Variants in CCNC observed in about 807,000 individuals in gnomAD.
CCNC encodes cyclin C.
In CCNC, 19 loss-of-function variants were observed where a neutral mutation model predicts 50.0. The observed-to-expected ratio is 0.38, with a 90% CI of 0.27 to 0.56. The LOEUF (loss-of-function observed/expected upper bound fraction) is 0.56, where lower values mean the gene tolerates loss of function less well. Ranked by LOEUF, CCNC falls within the 20% of genes least tolerant of loss-of-function variation. The pLI is 0.72. For synonymous variants in CCNC, 93 were observed against 103.7 expected (o/e 0.90, Z 0.63); for missense variants, 200 against 327.1 (o/e 0.61, Z 3.00).
intron 9 of CCNC, among the ~76,000 whole-genome samples, chr6:99,549,077 G>T (rs1338193643): frequency 6.6e-6 from 1 of 151,802 alleles, no homozygotes; most frequent in Non-Finnish European, 1.5e-5. Flanking sequence ...ACTGTAGAAT[G>T]AATGTACTTA....
At chr6:99,544,750 A>C (rs972525282) in intron 11 of CCNC, among the ~76,000 whole-genome samples, 6 of 151,438 alleles carry the variant, frequency 4.0e-5, no homozygotes, top group Non-Finnish European at 8.9e-5. Context: ...GCAGTGAAAA[A>C]AAAAAAAAAA....
intron 5 of CCNC, among the ~76,000 whole-genome samples, chr6:99,555,036 C>T (rs1459765357): frequency 2.6e-5 from 4 of 152,200 alleles, no homozygotes; most frequent in African/African-American, 7.2e-5. Context: ...ATGAGAAACC[C>T]GGCTCTCAAA....
chr6:99,567,622 C>G (rs1345684427), intron 1 of CCNC, among the ~76,000 whole-genome samples: 2 of 152,160 alleles, frequency 1.3e-5, no homozygotes, highest in African/African-American at 4.8e-5. Flanking sequence ...ATTTAAATTA[C>G]TTACTAATGC....
At chr6:99,549,634 T>C in intron 8 of CCNC, 59 bp from the exon 9 acceptor site, 1 of 1,111,554 alleles carries the variant, frequency 9.0e-7, no homozygotes, top group Non-Finnish European at 1.4e-6. Flanking sequence ...TGATTGTATA[T>C]TTCCTCCAGA....
chr6:99,545,911 T>G (rs1802049695), intron 10 of CCNC, among the ~76,000 whole-genome samples: 1 of 152,180 alleles, frequency 6.6e-6, no homozygotes, highest in South Asian at 2.1e-4. Flanking sequence ...TACCATTCTG[T>G]TTAATCCTAA....
chr6:99,549,434 G>A, intron 9 of CCNC, 74 bp downstream of exon 9: 1 of 966,058 alleles, frequency 1.0e-6, no homozygotes, highest in Middle Eastern at 2.1e-4. Context: ...GTACAATAGG[G>A]TGAAATTTAG....
At chr6:99,545,283 T>A (rs1319232807) in intron 10 of CCNC, 53 bp from the exon 11 acceptor site, 7 of 883,994 alleles carry the variant, frequency 7.9e-6, no homozygotes, top group Admixed American at 7.0e-5. Flanking sequence ...CAACATTTTT[T>A]ATATAAAGAG....
At chr6:99,556,469 TTC>T (rs777326961) in intron 5 of CCNC, among the ~76,000 whole-genome samples, 11 of 152,222 alleles carry the variant, frequency 7.2e-5, no homozygotes, top group Non-Finnish European at 1.0e-4. Flanking sequence ...TCTTACATAA[TTC>T]TGTCAGATTT....
intron 1 of CCNC, chr6:99,567,154 A>G (rs1769163367): frequency 5.2e-6 from 1 of 191,728 alleles, no homozygotes; most frequent in Non-Finnish European, 1.1e-5. Flanking sequence ...TGAAAGCATA[A>G]TGAGAACACT....
chr6:99,560,927 T>G (rs1802753367), intron 4 of CCNC, among the ~76,000 whole-genome samples: 1 of 152,196 alleles, frequency 6.6e-6, no homozygotes, highest in Non-Finnish European at 1.5e-5. Flanking sequence ...CAGGTTATGG[T>G]AGGCAAGCTG....
intron 4 of CCNC, among the ~76,000 whole-genome samples, chr6:99,560,447 G>A (rs926246035): frequency 6.6e-6 from 1 of 152,090 alleles, no homozygotes; most frequent in Non-Finnish European, 1.5e-5. Context: ...CTTAAATCAT[G>A]GCTAAAACAA....
chr6:99,562,043 A>C (rs1349616842), intron 2 of CCNC: 1 of 154,950 alleles, frequency 6.5e-6, no homozygotes, highest in African/African-American at 2.4e-5. Flanking sequence ...GACACCTATG[A>C]AACTTGTTAA....
At chr6:99,550,335 T>G (rs1262549820) in intron 7 of CCNC, 26 bp from the exon 8 acceptor site, 1 of 1,508,916 alleles carries the variant, frequency 6.6e-7, no homozygotes, top group Non-Finnish European at 9.1e-7. Flanking sequence ...AAAATGTGTA[T>G]GTATAAAAAA....
At chr6:99,559,003 G>T (rs941373912) in intron 4 of CCNC, among the ~76,000 whole-genome samples, 75 of 151,950 alleles carry the variant, frequency 4.9e-4, no homozygotes, top group Admixed American at 3.8e-3. Context: ...AAGCCTTAAG[G>T]TTACAGTGTC....
At chr6:99,560,727 A>G (rs1008784790) in intron 4 of CCNC, among the ~76,000 whole-genome samples, 1 of 152,212 alleles carries the variant, frequency 6.6e-6, no homozygotes, top group Non-Finnish European at 1.5e-5. Flanking sequence ...GCAAGTTCCT[A>G]TCTATCTTCT....
chr6:99,544,334 A>C (rs1162882056), intron 11 of CCNC: 1 of 1,496,346 alleles, frequency 6.7e-7, no homozygotes, highest in African/African-American at 1.4e-5. Context: ...CTCCTTGAAT[A>C]AAGTATTAAC....
intron 9 of CCNC, among the ~76,000 whole-genome samples, chr6:99,548,435 A>T (rs967501903): frequency 6.6e-6 from 1 of 152,230 alleles, no homozygotes; most frequent in Non-Finnish European, 1.5e-5. Context: ...AAGAAACATC[A>T]ACATTTAAGG....
At chr6:99,563,090 G>C (rs1253474587) in intron 1 of CCNC, 142 bp from the exon 2 acceptor site, 1 of 607,604 alleles carries the variant, frequency 1.6e-6, no homozygotes, top group Non-Finnish European at 2.9e-6. Context: ...CTTGAAACGT[G>C]ACTAATAAGA....
Position 99,542,822 on chromosome 6 carries a change from A to G in CCNC, c.*733T>C, listed in dbSNP as rs1801933005. Reference sequence around the variant, plus strand: ...TCCAACATTATGGTTTTTGAATCCAATTAAGCTTTCAAAATGCCTGATTAG... The same window carrying G: ...TCCAACATTATGGTTTTTGAATCCAGTTAAGCTTTCAAAATGCCTGATTAG... On this transcript the variant is annotated 3_prime_UTR_variant, in exon 12 of 12. Transcript: ENST00000520429. The G allele has an allele frequency of 1.3e-5, 2 of 152,556 alleles. No homozygotes were observed. The highest frequency in any genetic ancestry group is 6.6e-5 in the Admixed American group (1 of 15,258). The allele number at this position is 152,556 out of a possible 1,614,324, so 9.5% of individuals were successfully genotyped here.
Sources: gnomAD v4.1 joint callset for allele counts (sites outside exome capture counted in the v4.1 genomes callset) on GRCh38, gnomAD v4.1.1 for gene constraint, MANE v1.5 for transcripts, NCBI Gene and HGNC (gene_info 2026-07-23, HGNC 2026-07-21) for gene names.